SHPRH: variants seen among roughly 807,000 people sequenced by gnomAD.
SHPRH encodes the protein SNF2 histone linker PHD RING helicase.
Under a neutral mutation model 202.5 loss-of-function variants are expected in SHPRH, and 106 were observed. That is an observed-to-expected ratio of 0.52 (90% CI 0.45 to 0.62). The LOEUF is 0.62. Ranked by LOEUF, SHPRH falls within the 20% of genes least tolerant of loss-of-function variation. The probability of loss-of-function intolerance (pLI) is 0.00; values close to 1 mark genes in which losing one functional copy is unlikely to be tolerated. For synonymous variants in SHPRH, 729 were observed against 686.0 expected, an observed-to-expected ratio of 1.06 and a Z score of -0.98; for missense variants, 1,710 against 2,020.0, an observed-to-expected ratio of 0.85 and a Z score of 2.94.
chr6:145,924,153 T>C (rs1784666965), intron 17 of SHPRH, among the ~76,000 whole-genome samples: 2 of 152,106 alleles, frequency 1.3e-5, no homozygotes, highest in Middle Eastern at 3.4e-3. Flanking sequence ...GCCTTCATTC[T>C]AATCTTTAAC....
Position 145,913,525 on chromosome 6 carries a change from C to T in SHPRH, c.4279G>A (p.Val1427Ile), listed in dbSNP as rs1562313119. ...EKSQDKTSGG[V>I]NPEPCPICAR... Reference sequence around the variant, plus strand: ...CAGATTGGGCAAGGTTCTGGATTAACACCTCCCGATGTTTTATCTTGAGAC... The same window carrying T: ...CAGATTGGGCAAGGTTCTGGATTAATACCTCCCGATGTTTTATCTTGAGAC... Residue 1427 changes from valine (V) to isoleucine (I), a missense_variant, in exon 24 of 30, where the codon GTT becomes ATT. Physicochemically the swap from Val to Ile is conservative, Grantham distance 29 (BLOSUM62 3). Coordinates refer to ENST00000275233, the MANE Select transcript of SHPRH (RefSeq NM_001042683.3). The T allele has an allele frequency of 3.7e-6, 6 of 1,609,208 alleles. No homozygotes were observed. The East Asian group carries it at 9.0e-5, about 24-fold the overall frequency.
chr6:145,893,501 G>A, intron 27 of SHPRH, 108 bp from the exon 28 acceptor site: 5 of 1,034,356 alleles, frequency 4.8e-6, no homozygotes, highest in South Asian at 5.3e-5. Flanking sequence ...TATTGTGAAA[G>A]GTAACAGCTA....
At chr6:145,896,061 A>T (rs1260788388) in intron 25 of SHPRH, among the ~76,000 whole-genome samples, 3 of 152,042 alleles carry the variant, frequency 2.0e-5, no homozygotes, top group Non-Finnish European at 4.4e-5. Flanking sequence ...CTCTCAACAC[A>T]CTTTTACATG....
At chr6:145,893,530 T>C in intron 27 of SHPRH, 137 bp from the exon 28 acceptor site, 1 of 741,596 alleles carries the variant, frequency 1.3e-6, no homozygotes, top group Non-Finnish European at 2.0e-6. Context: ...AAATGCAAAA[T>C]TACCAACTTT....
intron 25 of SHPRH, 38 bp from the exon 26 acceptor site, chr6:145,895,015 A>C: frequency 6.3e-7 from 1 of 1,575,844 alleles, no homozygotes; most frequent in Non-Finnish European, 8.7e-7. Context: ...TACTACTAAA[A>C]AATCTAGTTA....
intron 23 of SHPRH, chr6:145,917,485 AT>A (rs1784059323): frequency 6.6e-6 from 1 of 152,172 alleles, no homozygotes; most frequent in South Asian, 2.1e-4. Flanking sequence ...AGTATATGTT[AT>A]ACCAGTTTCC....
chr6:145,918,080 G>T, intron 23 of SHPRH, 51 bp downstream of exon 23: 2 of 1,379,020 alleles, frequency 1.5e-6, no homozygotes, highest in Non-Finnish European at 2.0e-6. Context: ...TCACTAAAGT[G>T]GTTTATGATA....
chr6:145,935,471 A>G (rs755055890), intron 11 of SHPRH, 30 bp from the exon 12 acceptor site: 1 of 1,608,160 alleles, frequency 6.2e-7, no homozygotes, highest in African/African-American at 1.3e-5. Context: ...TACATTGAGG[A>G]TAACTCTATT....
chr6:145,932,958 GA>G, intron 14 of SHPRH, 98 bp downstream of exon 14: 1 of 1,304,018 alleles, frequency 7.7e-7, no homozygotes, highest in Non-Finnish European at 1.0e-6. Flanking sequence ...CTTTTTGGGG[GA>G]AAAATCCCCC....
intron 11 of SHPRH, among the ~76,000 whole-genome samples, chr6:145,939,650 C>T (rs999327134): frequency 2.0e-5 from 3 of 152,108 alleles, no homozygotes; most frequent in African/African-American, 4.8e-5. Context: ...TTTACAATTT[C>T]GACAGTTTCC....
At position 145,943,521 on chromosome 6, in the gene SHPRH, G is replaced by C. The variant is rs1787024216; in HGVS notation, c.1860C>G (p.Ile620Met). The change falls in exon 9 of 30, where the codon ATC (isoleucine) becomes ATG (methionine). Residue 620 changes from isoleucine to methionine, a missense_variant. Coordinates refer to ENST00000275233, the MANE Select transcript of SHPRH (RefSeq NM_001042683.3). ...TTTCATGTTCTTGGTTGAATTCAGA[G>C]ATACATGTACTTTTAGACATAGCAA... Reference protein sequence around the residue: ...TDVAMSKSTCISEFNQEHETE... With the variant: ...TDVAMSKSTCMSEFNQEHETE... 1 of 1,613,888 alleles carries C rather than the reference G, an allele frequency of 6.2e-7. No homozygotes were observed. Among genetic ancestry groups the C allele is most frequent in the Admixed American group, 1.7e-5 (1 of 59,974 alleles).
At chr6:145,938,629 A>G (rs1786379388) in intron 11 of SHPRH, among the ~76,000 whole-genome samples, 1 of 152,214 alleles carries the variant, frequency 6.6e-6, no homozygotes, top group Non-Finnish European at 1.5e-5. Context: ...TGAATATTTA[A>G]TATTTGTTAG....
intron 2 of SHPRH, 139 bp downstream of exon 2, chr6:145,954,551 T>C (rs1395656555): frequency 3.5e-6 from 3 of 866,014 alleles, no homozygotes; most frequent in African/African-American, 3.4e-5. Flanking sequence ...TGAATAGTTA[T>C]TAAAAGCTTA....
rs1374161780 is a variant in SHPRH at position 145,956,757 on chromosome 6, T to A, written c.-32-1403A>T. On this transcript the variant is annotated intron_variant, in intron 1 of 29. Coordinates refer to ENST00000275233, the MANE Select transcript of SHPRH (RefSeq NM_001042683.3). Reference sequence around the variant, plus strand: ...AAATTTAGAAAATAGTATAACAGTATAATCAGAGATCTATACAGTGTACTA... The same window carrying A: ...AAATTTAGAAAATAGTATAACAGTAAAATCAGAGATCTATACAGTGTACTA... Among the ~76,000 whole-genome samples the A allele has an allele frequency of 1.2e-4, 18 of 152,222 alleles. No homozygotes were observed. In the East Asian group the frequency reaches 3.5e-3, roughly 29 times the overall value.
intron 25 of SHPRH, among the ~76,000 whole-genome samples, chr6:145,897,914 T>G (rs893450998): frequency 2.0e-5 from 3 of 152,116 alleles, no homozygotes; most frequent in African/African-American, 7.2e-5. Context: ...AGCATCATAT[T>G]CAATGGTGAA....
chr6:145,905,282 A>C (rs969242691), intron 25 of SHPRH: 10 of 152,354 alleles, frequency 6.6e-5, no homozygotes, highest in African/African-American at 2.4e-4. Flanking sequence ...AGGAAAGGAG[A>C]AACTATAGGA....
intron 23 of SHPRH, among the ~76,000 whole-genome samples, chr6:145,915,804 G>A (rs1302855803): frequency 7.8e-6 from 1 of 128,852 alleles, no homozygotes; most frequent in Non-Finnish European, 1.8e-5. Context: ...TATCTAGGCA[G>A]TATTTTGTTT....
chr6:145,958,474 G>A (rs2128809774), intron 1 of SHPRH, among the ~76,000 whole-genome samples: 1 of 152,016 alleles, frequency 6.6e-6, no homozygotes, highest in South Asian at 2.1e-4. Context: ...GCCCAAGAAG[G>A]AAAATATGAA....
chr6:145,880,707 T>C (rs1051731845), downstream of SHPRH, among the ~76,000 whole-genome samples: 3 of 151,236 alleles, frequency 2.0e-5, no homozygotes, highest in Non-Finnish European at 4.4e-5. Flanking sequence ...GCCTGGCACG[T>C]AATGAGTATA....
Sources: allele counts gnomAD v4.1 joint callset (sites outside exome capture counted in the v4.1 genomes callset), GRCh38; gene constraint gnomAD v4.1.1; transcripts MANE v1.5; gene names NCBI Gene and HGNC (gene_info 2026-07-23, HGNC 2026-07-21).